The following LTK variants were observed in gnomAD, a reference collection of about 807,000 sequenced individuals.
LTK encodes leukocyte receptor tyrosine kinase.
Under a neutral mutation model 101.5 loss-of-function variants are expected in LTK, and 117 were observed. The ratio of observed to expected loss-of-function variants is 1.15; its 90% CI spans 0.99 to 1.34. LTK has a LOEUF of 1.34. Among genes scored for constraint, LTK ranks in the 40% most tolerant of loss-of-function variants. The pLI is 0.00. For synonymous variants in LTK, 563 were observed against 494.2 expected (o/e 1.14, Z -1.85); for missense variants, 1,252 against 1,164.7 (o/e 1.07, Z -1.09).
chr15:41,511,493 G>C lies in LTK; in HGVS notation c.743C>G (p.Thr248Ser). ...CTCCAGTTTCTCGGGGGAGGCCTGA[G>C]TCCGGCCTCGGTCCCGCGGCCTCAG... ...AYLRPRDRGR[T>S]QASPEKLENR... The change falls in exon 6 of 20, where the codon ACT becomes AGT. Residue 248 changes from threonine (T) to serine (S), a missense_variant. Physicochemically the swap from Thr to Ser is moderately conservative, Grantham distance 58. Transcript: ENST00000263800. The surrounding 1 kb of genome is among the most constrained non-coding windows in gnomAD (Gnocchi z 5.9). 2 of 1,475,068 alleles carry C rather than the reference G, an allele frequency of 1.4e-6. No homozygotes were observed. Among genetic ancestry groups the C allele is most frequent in the South Asian group, 1.3e-5 (1 of 74,862 alleles). 91.4% of individuals were successfully genotyped at this position (1,475,068 alleles called of 1,614,324 possible). A position where few individuals can be genotyped will look rare whatever the true frequency, so the allele number is the denominator to read the frequency against.
rs574347949 is a variant in LTK at position 41,505,339 on chromosome 15, G to T, written c.1828-34C>A. 3.1e-6 allele frequency: 5 copies of T among 1,611,992 alleles called. No homozygotes were observed. In the African/African-American group the frequency reaches 6.7e-5, roughly 22 times the overall value. On this transcript the variant is annotated intron_variant, in intron 14 of 19. Transcript: ENST00000263800. The stretch of plus-strand genomic sequence containing the variant: ...GGCAGAGGGGGCATCAGTCCATGTA[G>T]GTCTCAGACACATGGACAGGGTCTT...
At position 41,505,871 on chromosome 15, in the gene LTK, T is replaced by G. The variant is rs565567145; in HGVS notation, c.1632+44A>C. 23 of 1,598,790 alleles carry G rather than the reference T, an allele frequency of 1.4e-5. No homozygotes were observed. In the East Asian group the frequency reaches 3.1e-4, roughly 22 times the overall value. ...CTAGTCATTGTCCTTCCCTTCAGGG[T>G]GTTCCGCTCTCCTACCCCCAGCCAG... On this transcript the variant is annotated intron_variant, in intron 12 of 19. Coordinates refer to ENST00000263800, the MANE Select transcript of LTK (RefSeq NM_002344.6).
chr15:41,508,967 G>A, intron 8 of LTK, 64 bp downstream of exon 8: 10 of 1,092,018 alleles, frequency 9.2e-6, no homozygotes, highest in East Asian at 2.4e-5. Context: ...TGCAGTGCAG[G>A]AGTGGGCTCA....
chr15:41,508,095 A>G lies in LTK; in HGVS notation c.1223T>C (p.Leu408Pro). The G allele has an allele frequency of 6.2e-7, 1 of 1,611,648 alleles. No individual in the cohort carries two copies. Among genetic ancestry groups the G allele is most frequent in the South Asian group, 1.1e-5 (1 of 90,796 alleles). ...CATGCAGGTGACGTTATCCACAGCT[A>G]GCTCCATGCCTTCTGGGCACAGGCA... ...AECLCPEGME[L>P]AVDNVTCMDL... Residue 408 changes from leucine (L) to proline (P), a missense_variant, in exon 9 of 20, where the codon CTA (leucine) becomes CCA (proline). By Grantham distance (98) the Leu-to-Pro change is moderately conservative. Coordinates refer to ENST00000263800, the MANE Select transcript of LTK (RefSeq NM_002344.6).
chr15:41,509,223 C>G, intron 7 of LTK, 94 bp from the exon 8 acceptor site: 1 of 783,274 alleles, frequency 1.3e-6, no homozygotes, highest in Non-Finnish European at 2.3e-6. Flanking sequence ...GTGGCCCTCT[C>G]TTCTCCAGCA....
At position 41,504,875 on chromosome 15, in the gene LTK, C is replaced by T; in HGVS notation, c.2019-1G>A. On this transcript the variant is annotated splice_acceptor_variant, in intron 16 of 19. Coordinates refer to ENST00000263800, the MANE Select transcript of LTK (RefSeq NM_002344.6). LOFTEE classifies it high-confidence loss of function. The stretch of plus-strand genomic sequence containing the variant: ...GTCCCCCCTGCGGTAATAACTGGCC[C>T]TACAGGAGGGAGGAGGTGAATGATG... 6.2e-7 allele frequency: 1 copy of T among 1,611,798 alleles called. No individual in the cohort carries two copies. The highest frequency in any genetic ancestry group is 8.5e-7 in the Non-Finnish European group (1 of 1,179,190).
intron 1 of LTK, 144 bp downstream of exon 1, chr15:41,513,523 C>T: frequency 2.6e-6 from 2 of 775,150 alleles, no homozygotes; most frequent in South Asian, 3.1e-5. Flanking sequence ...GCCCGCACTC[C>T]AGAAGCACGG....
At chr15:41,506,963 G>C (rs1450101998) in intron 11 of LTK, 132 bp downstream of exon 11, 1 of 769,038 alleles carries the variant, frequency 1.3e-6, no homozygotes, top group Non-Finnish European at 2.1e-6. Flanking sequence ...GAGCTTCTCA[G>C]GGCCTCCCTC....
Position 41,504,782 on chromosome 15 carries a change from G to T in LTK, c.2111C>A (p.Thr704Lys), listed in dbSNP as rs372800939. Residue 704 changes from threonine to lysine, a missense_variant, in exon 17 of 20, where the codon ACA becomes AAA. By Grantham distance (78) the Thr-to-Lys change is moderately conservative. Transcript: ENST00000263800. ...AFLEGIFTSK[T>K]DSWSFGVLLW... is the part of the protein sequence containing the mutation. ...GGAAGGGTGTTATCACCAGGAATCT[G>T]TCTTGGATGTGAAGATGCCCTCCAG... 6.8e-6 allele frequency: 11 copies of T among 1,609,494 alleles called. No individual in the cohort carries two copies. In the Admixed American group the frequency reaches 1.8e-4, roughly 27 times the overall value.
chr15:41,512,072 C>T (rs374728693), intron 4 of LTK, 43 bp downstream of exon 4: 9 of 1,530,404 alleles, frequency 5.9e-6, no homozygotes, highest in Non-Finnish European at 7.9e-6. Flanking sequence ...GCAGCCCTCG[C>T]CCCCGGCGCC....
intron 16 of LTK, 21 bp from the exon 17 acceptor site, chr15:41,504,895 A>G: frequency 6.2e-7 from 1 of 1,607,542 alleles, no homozygotes; most frequent in Non-Finnish European, 8.5e-7. Context: ...GAGGAGGTGA[A>G]TGATGAGTTG....
intron 1 of LTK, 25 bp downstream of exon 1, chr15:41,513,642 C>A: frequency 6.2e-7 from 1 of 1,611,642 alleles, no homozygotes; most frequent in South Asian, 1.1e-5. Context: ...GCTGGACGGT[C>A]CCCTGACCGC....
At chr15:41,507,473 A>G (rs2051324734) in intron 10 of LTK, 89 bp downstream of exon 10, 1 of 1,560,696 alleles carries the variant, frequency 6.4e-7, no homozygotes, top group African/African-American at 1.4e-5. Context: ...AGTGGTCTTG[A>G]AGTCAGCCCC....
Position 41,505,915 on chromosome 15 carries a change from C to A in LTK, c.1632G>T (p.Lys544Asn). 6.2e-7 allele frequency: 1 copy of A among 1,613,318 alleles called. No individual in the cohort carries two copies. Among genetic ancestry groups the A allele is most frequent in the South Asian group, 1.1e-5 (1 of 91,014 alleles). Residue 544 changes from lysine (K) to asparagine (N), a missense_variant and splice_region_variant, in exon 12 of 20, where the codon AAG becomes AAT. Lys to Asn is a moderately conservative substitution (Grantham distance 94, BLOSUM62 0). Coordinates refer to ENST00000263800, the MANE Select transcript of LTK (RefSeq NM_002344.6). ...GDSSPLQVAI[K>N]TLPELCSPQD... ...CAGCCAGAAGTCCCACTCCTCTCAC[C>A]TTGATAGCTACCTGCAGGGGACTGG...
chr15:41,512,025 C>G (rs2051486774), intron 4 of LTK, 62 bp from the exon 5 acceptor site: 1 of 1,466,328 alleles, frequency 6.8e-7, no homozygotes, highest in Admixed American at 2.6e-5. Flanking sequence ...GTGCTGGTGA[C>G]CCGGCACCGA....
Position 41,513,054 on chromosome 15 carries a change from G to A in LTK, c.110C>T (p.Ala37Val). The A allele has an allele frequency of 6.2e-7, 1 of 1,612,086 alleles. No homozygotes were observed. ...TTTCGGGTCCCGGGGGCTGGGACTTGCCAGCGGCAGGGGCGAGGACCGCAG... is the reference window on the plus strand; with the variant it reads ...TTTCGGGTCCCGGGGGCTGGGACTTACCAGCGGCAGGGGCGAGGACCGCAG... ...TFLRSSPLPLASPSPRDPKVS... is the reference protein window; with the variant it reads ...TFLRSSPLPLVSPSPRDPKVS... Residue 37 changes from alanine (A) to valine (V), a missense_variant, in exon 2 of 20, where the codon GCA (alanine) becomes GTA (valine). Coordinates refer to ENST00000263800, the MANE Select transcript of LTK (RefSeq NM_002344.6).
In LTK at chr15:41,513,076, G is replaced by A. The variant is rs763409325; in HGVS notation, c.88C>T (p.Arg30Trp). 1 of 1,610,570 alleles carries A rather than the reference G, an allele frequency of 6.2e-7. No individual in the cohort carries two copies. Among genetic ancestry groups the A allele is most frequent in the Non-Finnish European group, 8.5e-7 (1 of 1,178,894 alleles). Residue 30 changes from arginine to tryptophan, a missense_variant, in exon 2 of 20, where the codon CGG becomes TGG. Arg to Trp is a moderately radical substitution (Grantham distance 101, BLOSUM62 -3). Transcript: ENST00000263800. The part of the protein sequence containing the change: ...SSPGSQETFL[R>W]SSPLPLASPS... ...CTTGCCAGCGGCAGGGGCGAGGACC[G>A]CAGAAAAGTCTCCTGGGACCCCGGG... is the stretch of plus-strand genomic sequence containing the variant.
In LTK at chr15:41,511,529, C is replaced by T; in HGVS notation, c.707G>A (p.Gly236Asp). The T allele has an allele frequency of 6.8e-7, 1 of 1,460,398 alleles. No individual in the cohort carries two copies. 90.5% of individuals were successfully genotyped at this position (1,460,398 alleles called of 1,614,324 possible). ...GTCCCGCGGCCTCAGGTAGGCCCGA[C>T]CGCCGCCTCCGGCCGCCACCAGCAA... ...EPLLVAAGGG[G>D]RAYLRPRDRG... The change falls in exon 6 of 20, where the codon GGT becomes GAT. Residue 236 changes from glycine to aspartate, a missense_variant. Physicochemically the swap from Gly to Asp is moderately conservative, Grantham distance 94. Transcript: ENST00000263800. The surrounding 1 kb of genome is among the most constrained non-coding windows in gnomAD (Gnocchi z 5.9).
chr15:41,505,124 T>C, intron 15 of LTK, 60 bp from the exon 16 acceptor site: 1 of 1,586,242 alleles, frequency 6.3e-7, no homozygotes, highest in Non-Finnish European at 8.6e-7. Context: ...CTTCCTGATC[T>C]ATTTCCTTAA....
Sources: allele counts gnomAD v4.1 joint callset, GRCh38; gene constraint gnomAD v4.1.1; non-coding constraint Gnocchi (gnomAD v3.1); transcripts MANE v1.5; gene names NCBI Gene and HGNC (gene_info 2026-07-23, HGNC 2026-07-21).